Variants in BAIAP2 observed in about 807,000 individuals in gnomAD.
BAIAP2 encodes the protein BAR/IMD domain containing adaptor protein 2.
A neutral mutation model predicts 63.0 loss-of-function variants in BAIAP2; 18 were observed. The ratio of observed to expected loss-of-function variants is 0.29; its 90% CI spans 0.20 to 0.42. The LOEUF is 0.42. Ranked by LOEUF, BAIAP2 falls within the 10% of genes least tolerant of loss-of-function variation. The probability of loss-of-function intolerance (pLI) is 1.00; values close to 1 mark genes in which losing one functional copy is unlikely to be tolerated. For synonymous variants in BAIAP2, 386 were observed against 307.6 expected (o/e 1.25, Z -2.67); for missense variants, 610 against 734.3 (o/e 0.83, Z 1.96).
At chr17:81,038,458 T>G (rs367606837) in intron 1 of BAIAP2, among the ~76,000 whole-genome samples, 1 of 152,194 alleles carries the variant, frequency 6.6e-6, no homozygotes, top group African/African-American at 2.4e-5. Flanking sequence ...TATGTGAGGT[T>G]GAGAGAGCAT....
rs2049384045 is a variant in BAIAP2 at position 81,055,574 on chromosome 17, G to GTTTTTTTTTGTTTTT, written c.130+1841_130+1842insTTTTTTTTTTTTTTG. Among the ~76,000 whole-genome samples, 362 of 122,918 alleles carry GTTTTTTTTTGTTTTT rather than the reference G, an allele frequency of 2.9e-3. 9 individuals carry two copies. The highest frequency in any genetic ancestry group is 4.9e-3 in the Non-Finnish European group (291 of 59,576). 80.6% of individuals were successfully genotyped at this position (122,918 alleles called of 152,430 possible). ...CCAGCGAAAGTCTGCAGGGTGTTTT[G>GTTTTTTTTTGTTTTT]TTTTTTTTTGAGACGGAGTCTCACT... On this transcript the variant is annotated intron_variant, in intron 2 of 13. Transcript: ENST00000428708.
chr17:81,116,105 ACATGGC>A lies in BAIAP2; in HGVS notation c.*272_*277del. ...CTCTTGAGGGTACACGCCTCTGGTCACATGGCCATGGAGCCTTGGGTACCCCTGAGT... is the reference window on the plus strand; with the variant it reads ...CTCTTGAGGGTACACGCCTCTGGTCACATGGAGCCTTGGGTACCCCTGAGT... On this transcript the variant is annotated 3_prime_UTR_variant, in exon 14 of 14. Transcript: ENST00000428708. The A allele has an allele frequency of 6.5e-7, 1 of 1,547,010 alleles. No homozygotes were observed. Among genetic ancestry groups the A allele is most frequent in the East Asian group, 2.3e-5 (1 of 43,864 alleles).
intron 6 of BAIAP2, among the ~76,000 whole-genome samples, chr17:81,093,015 C>T (rs371548671): frequency 6.6e-6 from 1 of 151,530 alleles, no homozygotes; most frequent in African/African-American, 2.4e-5. Context: ...GCCCGGGGGA[C>T]GTGTCCACAT....
chr17:81,105,927 C>T (rs987537295), intron 10 of BAIAP2, 151 bp from the exon 11 acceptor site: 5 of 660,478 alleles, frequency 7.6e-6, no homozygotes, highest in African/African-American at 3.6e-5. Flanking sequence ...GGGCTGCGGT[C>T]TTTGTCTCCC....
chr17:81,067,723 C>T (rs951640058), intron 3 of BAIAP2, among the ~76,000 whole-genome samples: 4 of 152,214 alleles, frequency 2.6e-5, no homozygotes, highest in Non-Finnish European at 4.4e-5. Context: ...TCCCTTTGGC[C>T]CAGCATCGCA....
At chr17:81,081,566 C>T (rs964864615) in intron 3 of BAIAP2, among the ~76,000 whole-genome samples, 8 of 152,184 alleles carry the variant, frequency 5.3e-5, no homozygotes, top group Non-Finnish European at 1.2e-4. Context: ...CTGCTCACGT[C>T]CAAGTGGCTT....
chr17:81,067,172 C>A (rs371777985), intron 3 of BAIAP2, among the ~76,000 whole-genome samples: 21 of 152,256 alleles, frequency 1.4e-4, no homozygotes, highest in Admixed American at 6.5e-4. Flanking sequence ...CCTTCCCCCC[C>A]ACACTATTCC....
chr17:81,038,900 TG>T (rs886695516), intron 1 of BAIAP2, among the ~76,000 whole-genome samples: 2 of 7,872 alleles, frequency 2.5e-4, no homozygotes, highest in East Asian at 0.014. Flanking sequence ...CCTTCCTGGG[TG>T]GGGGGGGCAG....
intron 3 of BAIAP2, among the ~76,000 whole-genome samples, chr17:81,062,186 A>G (rs1315926292): frequency 1.3e-5 from 2 of 152,134 alleles, no homozygotes; most frequent in South Asian, 2.1e-4. Flanking sequence ...CCTGCTCTCA[A>G]GTGATCTGCC....
chr17:81,093,930 C>T (rs1031052057), intron 6 of BAIAP2, among the ~76,000 whole-genome samples: 1 of 151,926 alleles, frequency 6.6e-6, no homozygotes, highest in African/African-American at 2.4e-5. Flanking sequence ...TGTGGACAAC[C>T]CCTCCCCCCC....
At chr17:81,036,996 G>A (rs1252793508) in intron 1 of BAIAP2, 6 of 1,500,578 alleles carry the variant, frequency 4.0e-6, no homozygotes, top group South Asian at 2.4e-5. Context: ...CTGGGGGACC[G>A]ACCCCGTGAT....
chr17:81,077,180 A>G (rs964795139), intron 3 of BAIAP2, among the ~76,000 whole-genome samples: 17 of 152,264 alleles, frequency 1.1e-4, no homozygotes, highest in Admixed American at 7.8e-4. Context: ...CTTCGGGGTG[A>G]TGAAAGTGTC....
At position 81,103,928 on chromosome 17, in the gene BAIAP2, A is replaced by G. The variant is rs746723636; in HGVS notation, c.886A>G (p.Thr296Ala). 2 of 1,613,000 alleles carry G rather than the reference A, an allele frequency of 1.2e-6. No homozygotes were observed. The highest frequency in any genetic ancestry group is 1.7e-6 in the Non-Finnish European group (2 of 1,180,018). Reference sequence around the variant, plus strand: ...GCAGCGGATGTCTGCCCAGGAGAGCACACCCATCATGAACGGCGTCACAGG... The same window carrying G: ...GCAGCGGATGTCTGCCCAGGAGAGCGCACCCATCATGAACGGCGTCACAGG... ...FVGRMSAQES[T>A]PIMNGVTGPD... The change falls in exon 9 of 14, where the codon ACA becomes GCA. Residue 296 changes from threonine (T) to alanine (A), a missense_variant. Physicochemically the swap from Thr to Ala is moderately conservative, Grantham distance 58. Transcript: ENST00000428708.
At chr17:81,050,470 C>T (rs889968285) in intron 1 of BAIAP2, among the ~76,000 whole-genome samples, 4 of 152,206 alleles carry the variant, frequency 2.6e-5, no homozygotes, top group African/African-American at 9.6e-5. Context: ...CGTGCTGACC[C>T]GCCGTGGTTG....
At chr17:81,061,813 T>G (rs1384517352) in intron 3 of BAIAP2, among the ~76,000 whole-genome samples, 1 of 152,172 alleles carries the variant, frequency 6.6e-6, no homozygotes, top group African/African-American at 2.4e-5. Flanking sequence ...ATCTTCCCCC[T>G]TTGTTTCACT....
chr17:81,095,639 C>T (rs1310637796), intron 6 of BAIAP2, among the ~76,000 whole-genome samples: 1 of 152,134 alleles, frequency 6.6e-6, no homozygotes, highest in Admixed American at 6.5e-5. Context: ...TGTCAGCTCC[C>T]CCCGTCCTTC....
intron 10 of BAIAP2, chr17:81,105,799 C>T (rs1424776875): frequency 2.6e-6 from 1 of 377,560 alleles, no homozygotes; most frequent in Non-Finnish European, 4.9e-6. Context: ...GAGGCAGGAG[C>T]AACTGCTCTG....
intron 7 of BAIAP2, among the ~76,000 whole-genome samples, chr17:81,102,415 G>A (rs1003891696): frequency 1.3e-5 from 2 of 152,190 alleles, no homozygotes; most frequent in Non-Finnish European, 2.9e-5. Context: ...GCCAGGGCTC[G>A]GCAGACGTTC....
chr17:81,039,716 T>C (rs1374221346), intron 1 of BAIAP2, among the ~76,000 whole-genome samples: 1 of 152,078 alleles, frequency 6.6e-6, no homozygotes, highest in African/African-American at 2.4e-5. Flanking sequence ...TGTTGCTGCC[T>C]TGTCTTCGAC....
Sources: allele counts gnomAD v4.1 joint callset (sites outside exome capture counted in the v4.1 genomes callset), GRCh38; gene constraint gnomAD v4.1.1; transcripts MANE v1.5; gene names NCBI Gene and HGNC (gene_info 2026-07-23, HGNC 2026-07-21).